The following ZFHX3 variants were observed in gnomAD, a reference collection of about 807,000 sequenced individuals.
The protein encoded by ZFHX3 is zinc finger homeobox 3.
In ZFHX3, 42 loss-of-function variants were observed where a neutral mutation model predicts 279.1. The observed-to-expected ratio is 0.15, with a 90% CI of 0.12 to 0.19. ZFHX3 has a LOEUF of 0.19. ZFHX3 is among the 10% of genes least tolerant of loss of function. The pLI, the probability that ZFHX3 is intolerant of heterozygous loss-of-function variation, is 1.00. For missense variants in ZFHX3, 4,981 were observed against 4,754.0 expected, an observed-to-expected ratio of 1.05 and a Z score of -1.40; for synonymous variants, 2,293 against 1,957.8, an observed-to-expected ratio of 1.17 and a Z score of -4.52.
At chr16:73,635,118 A>C (rs1261509082) in intron 2 of ZFHX3, among the ~76,000 whole-genome samples, 1 of 151,996 alleles carries the variant, frequency 6.6e-6, no homozygotes, top group Non-Finnish European at 1.5e-5. Context: ...AGAGGAGAAA[A>C]CTCAAATTTG....
intron 1 of ZFHX3, among the ~76,000 whole-genome samples, chr16:73,780,315 T>C (rs559044419): frequency 1.3e-5 from 2 of 150,962 alleles, no homozygotes; most frequent in Middle Eastern, 3.4e-3. Flanking sequence ...GCCTGGCTAA[T>C]TTTTGTATTT....
chr16:73,818,653 A>T (rs1960649176), intron 1 of ZFHX3, among the ~76,000 whole-genome samples: 1 of 152,204 alleles, frequency 6.6e-6, no homozygotes, highest in South Asian at 2.1e-4. Flanking sequence ...TGCTGATGCA[A>T]TGAAGGACAA....
intron 2 of ZFHX3, among the ~76,000 whole-genome samples, chr16:73,548,180 C>G (rs958460903): frequency 6.6e-6 from 1 of 152,174 alleles, no homozygotes; most frequent in Non-Finnish European, 1.5e-5. Context: ...AGGAAAAGAT[C>G]CTAAATCAGT....
chr16:73,129,333 A>G (rs1966631474), intron 7 of ZFHX3, among the ~76,000 whole-genome samples: 1 of 151,340 alleles, frequency 6.6e-6, no homozygotes, highest in African/African-American at 2.4e-5. Flanking sequence ...GGTTGCAGTG[A>G]GCCAAAATTG....
intron 3 of ZFHX3, among the ~76,000 whole-genome samples, chr16:73,443,647 C>T (rs1397270960): frequency 6.6e-6 from 1 of 151,960 alleles, no homozygotes; most frequent in Non-Finnish European, 1.5e-5. Context: ...AATCTATTTT[C>T]CTCCTTCCCT....
chr16:73,101,200 T>C (rs912853546), intron 7 of ZFHX3, among the ~76,000 whole-genome samples: 2 of 152,196 alleles, frequency 1.3e-5, no homozygotes, highest in Non-Finnish European at 2.9e-5. Context: ...AGCACCATTA[T>C]ATCTCAATTG....
At chr16:73,728,811 CTACA>C (rs749570515) in intron 1 of ZFHX3, among the ~76,000 whole-genome samples, 2 of 76,688 alleles carry the variant, frequency 2.6e-5, no homozygotes, top group South Asian at 4.6e-4. Context: ...GAATAACCCC[CTACA>C]CACACACACA....
chr16:72,825,628 G>C (rs1326401436), intron 5 of ZFHX3, among the ~76,000 whole-genome samples: 2 of 152,204 alleles, frequency 1.3e-5, no homozygotes, highest in African/African-American at 4.8e-5. Context: ...ATGCCTGCTG[G>C]GAAGGACAGG....
exon 6 of ZFHX3, chr16:73,143,752 C>T: frequency 4.6e-6 from 6 of 1,305,454 alleles, no homozygotes; most frequent in Non-Finnish European, 6.1e-6. Flanking sequence ...TGGAACTCAC[C>T]TCTCTAATTC....
chr16:72,906,562 C>T (rs540299265), intron 3 of ZFHX3, among the ~76,000 whole-genome samples: 15 of 152,060 alleles, frequency 9.9e-5, no homozygotes, highest in African/African-American at 1.9e-4. Context: ...TATGGGAGGC[C>T]GAGGCAGGCG....
chr16:73,350,012 A>T (rs986438239), intron 3 of ZFHX3, among the ~76,000 whole-genome samples: 4 of 150,230 alleles, frequency 2.7e-5, no homozygotes, highest in Admixed American at 1.3e-4. Context: ...TTTATTCTGG[A>T]ATAAAGAACT....
chr16:73,036,501 C>G (rs543611825), intron 1 of ZFHX3, among the ~76,000 whole-genome samples: 1 of 152,088 alleles, frequency 6.6e-6, no homozygotes, highest in Non-Finnish European at 1.5e-5. Flanking sequence ...CTCTATGATA[C>G]GCTTCCACTT....
intron 2 of ZFHX3, among the ~76,000 whole-genome samples, chr16:73,599,732 T>TTA (rs1555527356): frequency 1.4e-5 from 2 of 144,218 alleles, no homozygotes; most frequent in South Asian, 2.2e-4. Context: ...AAAATGTCAT[T>TTA]AAAAAAAAAA....
chr16:73,776,627 T>C (rs1959253473), intron 1 of ZFHX3, among the ~76,000 whole-genome samples: 5 of 152,202 alleles, frequency 3.3e-5, no homozygotes, highest in Admixed American at 3.3e-4. Context: ...AGTGCTCGAA[T>C]GCGGCTCTCA....
chr16:73,481,488 C>T (rs1472909784), intron 2 of ZFHX3, among the ~76,000 whole-genome samples: 1 of 152,070 alleles, frequency 6.6e-6, no homozygotes, highest in Non-Finnish European at 1.5e-5. Context: ...AGGTGGAGTG[C>T]AGTGCTATGA....
At chr16:73,296,877 A>T (rs1354382960) in intron 4 of ZFHX3, among the ~76,000 whole-genome samples, 3 of 116,082 alleles carry the variant, frequency 2.6e-5, no homozygotes, top group Non-Finnish European at 3.5e-5. Flanking sequence ...TGAAGCAGGA[A>T]TTTTTTTTTT....
At chr16:72,938,832 A>G (rs1319814142) in intron 3 of ZFHX3, among the ~76,000 whole-genome samples, 1 of 152,206 alleles carries the variant, frequency 6.6e-6, no homozygotes, top group East Asian at 1.9e-4. Context: ...AGCTGCAGCC[A>G]TCACTAATGT....
intron 7 of ZFHX3, among the ~76,000 whole-genome samples, chr16:73,121,187 T>C (rs1966494289): frequency 6.6e-6 from 1 of 152,232 alleles, no homozygotes; most frequent in South Asian, 2.1e-4. Flanking sequence ...TTGATAGGAC[T>C]ACATTTTACT....
At chr16:73,439,781 T>C (rs150757239) in intron 3 of ZFHX3, among the ~76,000 whole-genome samples, 70 of 151,954 alleles carry the variant, frequency 4.6e-4, no homozygotes, top group African/African-American at 1.6e-3. Flanking sequence ...TCCTTGGAGT[T>C]TGAGGGGCTC....
Sources: allele counts gnomAD v4.1 joint callset (sites outside exome capture counted in the v4.1 genomes callset), GRCh38; gene constraint gnomAD v4.1.1; transcripts MANE v1.5; gene names NCBI Gene and HGNC (gene_info 2026-07-23, HGNC 2026-07-21).